Variants in BRINP3 observed in about 807,000 individuals in gnomAD.
The protein encoded by BRINP3 is BMP/retinoic acid inducible neural specific 3.
A neutral mutation model predicts 71.0 loss-of-function variants in BRINP3; 19 were observed. The observed-to-expected ratio is 0.27, with a 90% confidence interval of 0.19 to 0.39. The LOEUF (loss-of-function observed/expected upper bound fraction) is 0.39, where lower values mean the gene tolerates loss of function less well. Among genes scored for constraint, BRINP3 ranks in the 10% least tolerant of loss-of-function variants. The probability of loss-of-function intolerance (pLI) is 1.00; values close to 1 mark genes in which losing one functional copy is unlikely to be tolerated. For synonymous variants in BRINP3, 380 were observed against 337.7 expected, an observed-to-expected ratio of 1.13 and a Z score of -1.37; for missense variants, 959 against 940.8, an observed-to-expected ratio of 1.02 and a Z score of -0.25.
At chr1:190,329,705 A>G (rs538126740) in intron 2 of BRINP3, among the ~76,000 whole-genome samples, 64 of 152,172 alleles carry the variant, frequency 4.2e-4, no homozygotes, top group African/African-American at 1.4e-3. Flanking sequence ...AACCCTGAGC[A>G]CAAAGAACAA....
At chr1:190,264,756 T>C (rs1661503568) in intron 4 of BRINP3, 109 bp downstream of exon 4, 3 of 783,996 alleles carry the variant, frequency 3.8e-6, no homozygotes, top group East Asian at 3.2e-5. Flanking sequence ...TATATTTTTA[T>C]AAAATAATTG....
chr1:190,152,299 G>A (rs773138896), intron 7 of BRINP3, among the ~76,000 whole-genome samples: 1 of 151,366 alleles, frequency 6.6e-6, no homozygotes, highest in Non-Finnish European at 1.5e-5. Flanking sequence ...CAACACTTTA[G>A]TTGCTTTCTA....
At chr1:190,396,911 T>C (rs558310483) in intron 2 of BRINP3, among the ~76,000 whole-genome samples, 44 of 151,466 alleles carry the variant, frequency 2.9e-4, no homozygotes, top group African/African-American at 1.0e-3. Flanking sequence ...TCCCTTTACA[T>C]ACATCTCCCA....
intron 7 of BRINP3, among the ~76,000 whole-genome samples, chr1:190,148,175 A>G (rs1656058533): frequency 6.6e-6 from 1 of 152,152 alleles, no homozygotes; most frequent in African/African-American, 2.4e-5. Flanking sequence ...ATCCAATTTC[A>G]AGAAAAGCTC....
At chr1:190,330,931 C>T (rs1666922349) in intron 2 of BRINP3, among the ~76,000 whole-genome samples, 2 of 151,782 alleles carry the variant, frequency 1.3e-5, no homozygotes, top group Non-Finnish European at 2.9e-5. Flanking sequence ...TGGGTATTCA[C>T]GGACATAAAG....
At chr1:190,304,173 G>A (rs942744675) in intron 2 of BRINP3, among the ~76,000 whole-genome samples, 12 of 151,566 alleles carry the variant, frequency 7.9e-5, no homozygotes, top group Admixed American at 5.9e-4. Flanking sequence ...CAAGAACCTA[G>A]GCTTAAATCA....
intron 2 of BRINP3, among the ~76,000 whole-genome samples, chr1:190,354,565 G>A (rs1009574320): frequency 2.0e-5 from 3 of 151,864 alleles, no homozygotes; most frequent in Admixed American, 6.6e-5. Context: ...GAACTATTTG[G>A]TTAAGAATTT....
At chr1:190,459,756 G>C (rs1254723114) in intron 1 of BRINP3, among the ~76,000 whole-genome samples, 1 of 151,982 alleles carries the variant, frequency 6.6e-6, no homozygotes, top group African/African-American at 2.4e-5. Context: ...ACCTGCTGAA[G>C]AACTTGAATA....
At chr1:190,423,735 C>T (rs1465672797) in intron 2 of BRINP3, among the ~76,000 whole-genome samples, 1 of 151,696 alleles carries the variant, frequency 6.6e-6, no homozygotes, top group Non-Finnish European at 1.5e-5. Context: ...TTTCTCCCAA[C>T]TCCTCCACCC....
chr1:190,455,308 A>C (rs2102631431), intron 1 of BRINP3, among the ~76,000 whole-genome samples: 1 of 152,298 alleles, frequency 6.6e-6, no homozygotes, highest in South Asian at 2.1e-4. Context: ...ATTGTGTTAC[A>C]AATTTTAATA....
intron 6 of BRINP3, among the ~76,000 whole-genome samples, chr1:190,217,725 T>C (rs1406764998): frequency 6.6e-6 from 1 of 152,046 alleles, no homozygotes; most frequent in Non-Finnish European, 1.5e-5. Flanking sequence ...GGATACTATA[T>C]CAGAAAATAG....
chr1:190,351,504 G>T (rs1371981122), intron 2 of BRINP3, among the ~76,000 whole-genome samples: 1 of 151,980 alleles, frequency 6.6e-6, no homozygotes, highest in African/African-American at 2.4e-5. Flanking sequence ...ACATAAATTT[G>T]CCATTTGCAA....
intron 2 of BRINP3, among the ~76,000 whole-genome samples, chr1:190,327,327 AAAAAAAAAAAAAAAAAAAAAAAAGG>A (rs1666657888): frequency 5.1e-5 from 1 of 19,656 alleles, no homozygotes; most frequent in Non-Finnish European, 1.1e-4. Context: ...AAAAAAGAAC[AAAAAAAAAAAAAAAAAAAAAAAAGG>A]AAAAAAAAAA....
At chr1:190,359,221 GA>G (rs1558215172) in intron 2 of BRINP3, among the ~76,000 whole-genome samples, 1 of 151,732 alleles carries the variant, frequency 6.6e-6, no homozygotes, top group Non-Finnish European at 1.5e-5. Flanking sequence ...AAACAAAAAA[GA>G]ATTTAACTTG....
chr1:190,097,943 T>C lies in BRINP3; in HGVS notation c.*75A>G. 3.5e-6 allele frequency: 5 copies of C among 1,440,764 alleles called. No homozygotes were observed. Among genetic ancestry groups the C allele is most frequent in the Non-Finnish European group, 4.7e-6 (5 of 1,069,418 alleles). The allele number at this position is 1,440,764 out of a possible 1,614,324, so 89.2% of individuals were successfully genotyped here. A position where few individuals can be genotyped will look rare whatever the true frequency, so the allele number is the denominator to read the frequency against. On this transcript the variant is annotated 3_prime_UTR_variant, in exon 8 of 8. Transcript: ENST00000367462. ...TTGAAAAGACAATTTAAATTTACTC[T>C]TCCAAACATAAACTGTTCCACAAAA...
intron 6 of BRINP3, among the ~76,000 whole-genome samples, chr1:190,211,373 T>G (rs1655977512): frequency 6.6e-6 from 1 of 152,100 alleles, no homozygotes; most frequent in Non-Finnish European, 1.5e-5. Context: ...TATTTTTGTT[T>G]TTTAAAATTG....
intron 7 of BRINP3, 37 bp downstream of exon 7, chr1:190,160,631 A>G (rs772582510): frequency 5.1e-6 from 8 of 1,567,374 alleles, no homozygotes; most frequent in Non-Finnish European, 6.9e-6. Flanking sequence ...TTTTTCGGCA[A>G]TAAACTTAAT....
chr1:190,302,246 A>C (rs1664789203), intron 2 of BRINP3, among the ~76,000 whole-genome samples: 1 of 147,524 alleles, frequency 6.8e-6, no homozygotes, highest in Non-Finnish European at 1.5e-5. Flanking sequence ...TATATACATA[A>C]ATTTATATAT....
At chr1:190,463,708 C>T (rs1455304541) in intron 1 of BRINP3, among the ~76,000 whole-genome samples, 1 of 151,732 alleles carries the variant, frequency 6.6e-6, no homozygotes, top group African/African-American at 2.4e-5. Context: ...TGTATCATTG[C>T]TTTTTGGTAA....
Sources: allele counts gnomAD v4.1 joint callset (sites outside exome capture counted in the v4.1 genomes callset), GRCh38; gene constraint gnomAD v4.1.1; transcripts MANE v1.5; gene names NCBI Gene and HGNC (gene_info 2026-07-23, HGNC 2026-07-21).